Variants in ALG9 observed in about 807,000 individuals in gnomAD.
ALG9 encodes alpha-1,2-mannosyltransferase ALG9.
A neutral mutation model predicts 81.8 loss-of-function variants in ALG9; 55 were observed. The ratio of observed to expected loss-of-function variants is 0.67; its 90% CI spans 0.54 to 0.84. The LOEUF (loss-of-function observed/expected upper bound fraction) is 0.84. Ranked by LOEUF, ALG9 falls within the 40% of genes least tolerant of loss-of-function variation. The pLI is 0.00. For synonymous variants in ALG9, 278 were observed against 274.3 expected (o/e 1.01, Z -0.13); for missense variants, 629 against 745.0 (o/e 0.84, Z 1.81).
chr11:111,838,314 A>G lies in ALG9; in HGVS notation c.1259T>C (p.Leu420Pro). 6.2e-7 allele frequency: 1 copy of G among 1,614,170 alleles called. No individual in the cohort carries two copies. Among genetic ancestry groups the G allele is most frequent in the Non-Finnish European group, 8.5e-7 (1 of 1,179,968 alleles). Reference protein sequence around the residue: ...LEHYTVTSNWLALGTVFLFGL... With the variant: ...LEHYTVTSNWPALGTVFLFGL... ...AAACAGGAAGACAGTTCCTAATGCCAGCCAATTCGATGTCACAGTATAGTG... is the reference window on the plus strand; with the variant it reads ...AAACAGGAAGACAGTTCCTAATGCCGGCCAATTCGATGTCACAGTATAGTG... Residue 420 changes from leucine to proline, a missense_variant, in exon 11 of 15, where the codon CTG (leucine) becomes CCG (proline). Coordinates refer to ENST00000616540, the MANE Select transcript of ALG9 (RefSeq NM_024740.2).
intron 2 of ALG9, among the ~76,000 whole-genome samples, chr11:111,869,074 A>G (rs902159085): frequency 2.0e-4 from 31 of 152,316 alleles, no homozygotes; most frequent in East Asian, 1.7e-3. Flanking sequence ...GTGAACCTAG[A>G]TCATGCCACT....
At chr11:111,824,988 GA>G (rs1952990288) in intron 13 of ALG9, among the ~76,000 whole-genome samples, 1 of 152,122 alleles carries the variant, frequency 6.6e-6, no homozygotes, top group Non-Finnish European at 1.5e-5. Context: ...AACTTGACAG[GA>G]AACCAGTGAG....
In ALG9 at chr11:111,785,869, A is replaced by C; in HGVS notation, c.*528T>G. On this transcript the variant is annotated 3_prime_UTR_variant, in exon 15 of 15. Transcript: ENST00000616540. ...AAGCTTAGTCTTGCTGGAGGTGAAA[A>C]GGACATGTGGGTTGGCAACTAGGCT... The C allele has an allele frequency of 5.5e-6, 2 of 363,782 alleles. No homozygotes were observed. Among genetic ancestry groups the C allele is most frequent in the South Asian group, 4.2e-5 (2 of 47,712 alleles). 22.5% of individuals were successfully genotyped at this position (363,782 alleles called of 1,614,324 possible).
chr11:111,793,212 G>C (rs993677947), intron 14 of ALG9, among the ~76,000 whole-genome samples: 9 of 152,088 alleles, frequency 5.9e-5, no homozygotes, highest in Non-Finnish European at 1.3e-4. Context: ...AAACTCCCGG[G>C]CTCAAGCAAT....
rs1591955368 is a variant in ALG9 at position 111,809,692 on chromosome 11, T to C, written c.1684A>G (p.Lys562Glu). ...TPREPKYSSN[K>E]EEWISLAYRP... Reference sequence around the variant, plus strand: ...TAGGCCAAGCTGATCCATTCTTCTTTATTGGATGAATATTTTGGCTCCCGG... The same window carrying C: ...TAGGCCAAGCTGATCCATTCTTCTTCATTGGATGAATATTTTGGCTCCCGG... The change falls in exon 14 of 15, where the codon AAA becomes GAA. Residue 562 changes from lysine (K) to glutamate (E), a missense_variant. Physicochemically the swap from Lys to Glu is moderately conservative, Grantham distance 56. Coordinates refer to ENST00000616540, the MANE Select transcript of ALG9 (RefSeq NM_024740.2). The C allele has an allele frequency of 3.7e-6, 6 of 1,614,116 alleles. No homozygotes were observed. The highest frequency in any genetic ancestry group is 5.1e-6 in the Non-Finnish European group (6 of 1,179,986).
intron 13 of ALG9, among the ~76,000 whole-genome samples, chr11:111,824,887 A>C (rs782120681): frequency 6.6e-6 from 1 of 152,200 alleles, no homozygotes; most frequent in Admixed American, 6.5e-5. Flanking sequence ...AGTTTCCATA[A>C]ATGACCCTGA....
chr11:111,797,131 CTTT>C (rs1472534380), intron 14 of ALG9, among the ~76,000 whole-genome samples: 1 of 152,224 alleles, frequency 6.6e-6, no homozygotes, highest in Non-Finnish European at 1.5e-5. Flanking sequence ...GTCCATACTT[CTTT>C]GACACTCCTC....
chr11:111,864,270 G>C, intron 4 of ALG9: 1 of 1,134,800 alleles, frequency 8.8e-7, no homozygotes, highest in Non-Finnish European at 1.3e-6. Context: ...GGCTCCTCCA[G>C]CGTTGCCGCT....
intron 8 of ALG9, among the ~76,000 whole-genome samples, chr11:111,851,604 A>G (rs1957845136): frequency 6.6e-6 from 1 of 152,204 alleles, no homozygotes; most frequent in Non-Finnish European, 1.5e-5. Flanking sequence ...CCCATTATAA[A>G]GGTGGAGAAG....
At chr11:111,815,395 C>A (rs1259158816) in intron 13 of ALG9, among the ~76,000 whole-genome samples, 2 of 151,964 alleles carry the variant, frequency 1.3e-5, no homozygotes, top group Non-Finnish European at 2.9e-5. Context: ...AGAGCAAGAC[C>A]CTGTCTCTAA....
At chr11:111,817,403 G>A (rs1410898822) in intron 13 of ALG9, 5 of 152,220 alleles carry the variant, frequency 3.3e-5, no homozygotes, top group Admixed American at 3.3e-4. Context: ...CAGTCACCCG[G>A]GCTGGAGTGT....
In ALG9 at chr11:111,837,604, G is replaced by T. The variant is rs1565981994; in HGVS notation, c.1336C>A (p.Pro446Thr). 1.2e-6 allele frequency: 2 copies of T among 1,614,082 alleles called. No individual in the cohort carries two copies. Among genetic ancestry groups the T allele is most frequent in the Middle Eastern group, 1.7e-4 (1 of 6,058 alleles). ...TAAAATTCTGGATACAAATCAAGGG[G>T]CCCGTGATATCCTGGAAGGGAGAAC... ...SVALFRGYHG[P>T]LDLYPEFYRI... Residue 446 changes from proline to threonine, a missense_variant, in exon 12 of 15, where the codon CCC (proline) becomes ACC (threonine). Around this residue, in one of 3 missense-constraint regions of ALG9, gnomAD observed 264 missense variants for 302.2 expected, o/e 0.87. Transcript: ENST00000616540.
At position 111,815,222 on chromosome 11, in the gene ALG9, C is replaced by A. The variant is rs77155988; in HGVS notation, c.1603-5449G>T. 5.7e-4 allele frequency among the ~76,000 whole-genome samples: 86 copies of A among 152,204 alleles called. 1 individual carries two copies. Among genetic ancestry groups the A allele is most frequent in the Non-Finnish European group, 9.3e-4 (63 of 67,992 alleles). ...AGGCCCAATCTGAGCAACATAGTGA[C>A]AGCTCGTCTCTACAAAAAAATTTTT... On this transcript the variant is annotated intron_variant, in intron 13 of 14. Transcript: ENST00000616540.
intron 13 of ALG9, among the ~76,000 whole-genome samples, chr11:111,824,612 G>A (rs958098363): frequency 6.6e-6 from 1 of 152,168 alleles, no homozygotes. Context: ...TCCAGAGTTG[G>A]CAAAACATGC....
At chr11:111,774,734 C>G in the ALG9 span, among the ~76,000 whole-genome samples, 1 of 152,298 alleles carries the variant, frequency 6.6e-6, no homozygotes, top group South Asian at 2.1e-4. Context: ...AAGATTATTA[C>G]CTATTGAAAC....
chr11:111,779,635 G>A (rs919423875), downstream of ALG9, among the ~76,000 whole-genome samples: 1 of 151,942 alleles, frequency 6.6e-6, no homozygotes, highest in Non-Finnish European at 1.5e-5. Context: ...ACAGGTGTGA[G>A]CCCCCTCATC....
intron 10 of ALG9, 124 bp downstream of exon 10, chr11:111,840,531 C>G: frequency 8.9e-7 from 1 of 1,125,310 alleles, no homozygotes. Flanking sequence ...TGATCTATAT[C>G]AGGTTTAATG....
At chr11:111,814,245 A>T (rs541262675) in intron 13 of ALG9, among the ~76,000 whole-genome samples, 2 of 152,352 alleles carry the variant, frequency 1.3e-5, no homozygotes, top group South Asian at 4.1e-4. Flanking sequence ...GAGTGAAAAG[A>T]TCAAGACACA....
chr11:111,839,610 G>C lies in ALG9; in HGVS notation c.1173+1045C>G, dbSNP rs1337417817. Among the ~76,000 whole-genome samples, 4 of 127,890 alleles carry C rather than the reference G, an allele frequency of 3.1e-5. 1 individual carries two copies. The highest frequency in any genetic ancestry group is 2.7e-4 in the East Asian group (1 of 3,766). The allele number at this position is 127,890 out of a possible 152,430, so 83.9% of individuals were successfully genotyped here. Reference sequence around the variant, plus strand: ...TCTCAAAAAAAAAAAAAGGGGGGGGGGGATATAAAGTTACATGTATACTTA... The same window carrying C: ...TCTCAAAAAAAAAAAAAGGGGGGGGCGGATATAAAGTTACATGTATACTTA... On this transcript the variant is annotated intron_variant, in intron 10 of 14. Transcript: ENST00000616540.
Sources: gnomAD v4.1 joint callset for allele counts (sites outside exome capture counted in the v4.1 genomes callset) on GRCh38, gnomAD v4.1.1 for gene constraint, gnomAD v4.1.1 regional missense constraint, MANE v1.5 for transcripts, NCBI Gene and HGNC (gene_info 2026-07-23, HGNC 2026-07-21) for gene names.